SHROOM2: variants seen among roughly 807,000 people sequenced by gnomAD.
The protein encoded by SHROOM2 is protein Shroom2.
In SHROOM2, 33 loss-of-function variants were observed where a neutral mutation model predicts 75.9. The observed-to-expected ratio is 0.43, with a 90% confidence interval of 0.33 to 0.58. The LOEUF is 0.58. Ranked by LOEUF, SHROOM2 falls within the 20% of genes least tolerant of loss-of-function variation. The pLI is 0.04. For missense variants in SHROOM2, 1,434 were observed against 1,461.2 expected (o/e 0.98, Z 0.30); for synonymous variants, 655 against 663.6 (o/e 0.99, Z 0.20).
intron 1 of SHROOM2, among the ~76,000 whole-genome samples, chrX:9,809,287 G>A (rs747964021): frequency 1.5e-4 from 17 of 111,359 alleles, no homozygotes; most frequent in East Asian, 2.8e-4. Context: ...CATCCAGCAC[G>A]GGAGAAAGAT....
At chrX:9,923,399 G>A (rs1481922220) in intron 5 of SHROOM2, among the ~76,000 whole-genome samples, 2 of 112,200 alleles carry the variant, frequency 1.8e-5, no homozygotes, top group Admixed American at 9.4e-5. Flanking sequence ...CCAAGGCAGC[G>A]ATGAAAACTT....
chrX:9,835,668 G>A (rs975726902), intron 1 of SHROOM2, among the ~76,000 whole-genome samples: 1 of 111,783 alleles, frequency 8.9e-6, no homozygotes, highest in Non-Finnish European at 1.9e-5. Flanking sequence ...CTGCCCTAGG[G>A]GGGTACTGGG....
intron 1 of SHROOM2, among the ~76,000 whole-genome samples, chrX:9,786,997 C>G (rs935175308): frequency 9.0e-6 from 1 of 111,662 alleles, no homozygotes; most frequent in Admixed American, 9.3e-5. Flanking sequence ...CTCCCGGGCC[C>G]GCCAGTGGCG....
chrX:9,858,666 G>A lies in SHROOM2; in HGVS notation c.166-14986G>A, dbSNP rs2084085849. Reference sequence around the variant, plus strand: ...AAAATACAAAAACAATTAGCCGGGTGTGGTGGTGGGCACCTGTAGTCCCAG... The same window carrying A: ...AAAATACAAAAACAATTAGCCGGGTATGGTGGTGGGCACCTGTAGTCCCAG... On this transcript the variant is annotated intron_variant, in intron 1 of 9. Coordinates refer to ENST00000380913, the MANE Select transcript of SHROOM2 (RefSeq NM_001649.4). Among the ~76,000 whole-genome samples the A allele has an allele frequency of 4.5e-5, 5 of 111,533 alleles. No individual in the cohort carries two copies. In the Admixed American group the frequency reaches 4.8e-4, roughly 11 times the overall value.
chrX:9,857,969 A>T (rs964907493), intron 1 of SHROOM2, among the ~76,000 whole-genome samples: 22 of 110,435 alleles, frequency 2.0e-4, no homozygotes, highest in East Asian at 1.1e-3. Flanking sequence ...CAGCCCCTCC[A>T]CTTGCAGCGG....
chrX:9,801,044 A>G (rs13340738), intron 1 of SHROOM2, among the ~76,000 whole-genome samples: 1,576 of 111,843 alleles, frequency 0.014, 29 homozygotes, highest in African/African-American at 0.049. Flanking sequence ...TATAAAGGAA[A>G]GAGGTTTAAT....
intron 1 of SHROOM2, among the ~76,000 whole-genome samples, chrX:9,866,073 A>T (rs1292755829): frequency 2.0e-5 from 2 of 98,709 alleles, no homozygotes; most frequent in Non-Finnish European, 4.0e-5. Flanking sequence ...GGACCACAGC[A>T]GGGGCCAGGA....
chrX:9,876,775 A>G (rs1226720786), intron 2 of SHROOM2, among the ~76,000 whole-genome samples: 11 of 112,455 alleles, frequency 9.8e-5, no homozygotes, highest in Admixed American at 7.5e-4. Flanking sequence ...AAAGAGGTAT[A>G]TACATCTCTG....
At chrX:9,881,345 A>G (rs904300063) in intron 2 of SHROOM2, among the ~76,000 whole-genome samples, 3 of 111,828 alleles carry the variant, frequency 2.7e-5, no homozygotes, top group African/African-American at 6.5e-5. Context: ...TGATTTGCCA[A>G]CTATGACATG....
chrX:9,941,951 G>A (rs969343778), intron 8 of SHROOM2, among the ~76,000 whole-genome samples: 49 of 91,127 alleles, frequency 5.4e-4, no homozygotes, highest in Middle Eastern at 6.8e-3. Context: ...AGCCTGGGTG[G>A]CAGAGCAGAG....
chrX:9,808,848 G>A (rs1023153793), intron 1 of SHROOM2, among the ~76,000 whole-genome samples: 2 of 110,450 alleles, frequency 1.8e-5, no homozygotes, highest in Non-Finnish European at 3.8e-5. Context: ...GGGGACAAGA[G>A]TGAACTTCGT....
intron 1 of SHROOM2, among the ~76,000 whole-genome samples, chrX:9,856,342 G>A (rs2084070209): frequency 9.0e-6 from 1 of 111,268 alleles, no homozygotes; most frequent in African/African-American, 3.3e-5. Context: ...TGCAATTTGT[G>A]TCTTAAAGAA....
At chrX:9,849,161 C>T (rs2084024612) in intron 1 of SHROOM2, among the ~76,000 whole-genome samples, 1 of 111,803 alleles carries the variant, frequency 8.9e-6, no homozygotes, top group South Asian at 3.7e-4. Context: ...AGGAGTGCTG[C>T]AAGCCCTCCT....
At chrX:9,919,123 T>C (rs2084517599) in intron 5 of SHROOM2, among the ~76,000 whole-genome samples, 1 of 111,083 alleles carries the variant, frequency 9.0e-6, no homozygotes, top group South Asian at 3.8e-4. Context: ...AGGCATTGTG[T>C]TGGACCTGGA....
At chrX:9,830,824 G>A (rs1601932835) in intron 1 of SHROOM2, among the ~76,000 whole-genome samples, 1 of 110,198 alleles carries the variant, frequency 9.1e-6, no homozygotes, top group African/African-American at 3.3e-5. Context: ...GGCTGGTCAC[G>A]AACTCCTGGA....
Position 9,813,785 on chromosome X carries a change from A to G in SHROOM2, c.165+27075A>G, listed in dbSNP as rs373276435. ...TTCCCTTCTAGGAACACCATGATTA[A>G]TTAGCCAGTGCCAGAGCTGTACACG... On this transcript the variant is annotated intron_variant, in intron 1 of 9. Coordinates refer to ENST00000380913, the MANE Select transcript of SHROOM2 (RefSeq NM_001649.4). 3.3e-4 allele frequency among the ~76,000 whole-genome samples: 37 copies of G among 112,066 alleles called. No individual in the cohort carries two copies. In the East Asian group the frequency reaches 3.7e-3, roughly 11 times the overall value.
chrX:9,795,352 C>T (rs1420643974), intron 1 of SHROOM2, among the ~76,000 whole-genome samples: 1 of 111,847 alleles, frequency 8.9e-6, no homozygotes, highest in Non-Finnish European at 1.9e-5. Flanking sequence ...ACATCATCTT[C>T]TAATCTTTCC....
chrX:9,874,012 G>A, intron 2 of SHROOM2, among the ~76,000 whole-genome samples: 1 of 112,335 alleles, frequency 8.9e-6, no homozygotes, highest in African/African-American at 3.2e-5. Flanking sequence ...AAATTTTAAT[G>A]TATTAAGTGG....
At chrX:9,862,830 A>G (rs371213461) in intron 1 of SHROOM2, among the ~76,000 whole-genome samples, 29 of 112,489 alleles carry the variant, frequency 2.6e-4, no homozygotes, top group African/African-American at 9.3e-4. Context: ...CTAACTGGCA[A>G]TGTTGCAACA....
Sources: allele counts gnomAD v4.1 joint callset (sites outside exome capture counted in the v4.1 genomes callset), GRCh38; gene constraint gnomAD v4.1.1; transcripts MANE v1.5; gene names NCBI Gene and HGNC (gene_info 2026-07-23, HGNC 2026-07-21).